Variants in PUS7 observed in about 807,000 individuals in gnomAD.
PUS7 encodes the protein pseudouridine synthase 7, also known as pseudouridylate synthase 7 homolog.
In PUS7, 48 loss-of-function variants were observed where a neutral mutation model predicts 79.8. That is an observed-to-expected ratio of 0.60 (90% CI 0.48 to 0.76). PUS7 has a LOEUF of 0.76. PUS7 is among the 30% of genes least tolerant of loss of function. The pLI is 0.00. For synonymous variants in PUS7, 286 were observed against 272.2 expected (o/e 1.05, Z -0.50); for missense variants, 729 against 797.6 (o/e 0.91, Z 1.04).
At chr7:105,490,254 T>TA (rs1322312085) in intron 7 of PUS7, among the ~76,000 whole-genome samples, 3 of 152,150 alleles carry the variant, frequency 2.0e-5, no homozygotes, top group African/African-American at 7.2e-5. Flanking sequence ...TTGACATGTG[T>TA]ATAAGCCCAT....
At chr7:105,480,302 G>A (rs973619193) in intron 9 of PUS7, among the ~76,000 whole-genome samples, 3 of 150,752 alleles carry the variant, frequency 2.0e-5, no homozygotes, top group Non-Finnish European at 4.4e-5. Context: ...TGAAATTCCC[G>A]CCACTACTAA....
intron 7 of PUS7, among the ~76,000 whole-genome samples, chr7:105,483,028 A>G (rs1043081418): frequency 6.6e-6 from 1 of 152,130 alleles, no homozygotes; most frequent in Non-Finnish European, 1.5e-5. Context: ...AATCTGTATC[A>G]TGCTGCTATC....
intron 12 of PUS7, among the ~76,000 whole-genome samples, chr7:105,466,126 C>G (rs73415561): frequency 0.081 from 12,277 of 150,766 alleles, 634 homozygotes; most frequent in South Asian, 0.16. Context: ...CTACTGTGCT[C>G]CATCCTGGGT....
At chr7:105,474,673 T>C (rs572987669) in intron 9 of PUS7, among the ~76,000 whole-genome samples, 1 of 151,232 alleles carries the variant, frequency 6.6e-6, no homozygotes, top group Admixed American at 6.6e-5. Flanking sequence ...CCCAGCTACT[T>C]GGGAGGCTGA....
chr7:105,477,381 G>C (rs1323993872), intron 9 of PUS7, among the ~76,000 whole-genome samples: 1 of 151,618 alleles, frequency 6.6e-6, no homozygotes, highest in East Asian at 1.9e-4. Flanking sequence ...CCGAGTAGCT[G>C]GGATTACAGG....
intron 11 of PUS7, among the ~76,000 whole-genome samples, chr7:105,468,707 AG>A (rs1309198395): frequency 5.4e-5 from 8 of 147,522 alleles, no homozygotes; most frequent in African/African-American, 1.8e-4. Context: ...TAGTAGAGAC[AG>A]GGTTTCACCA....
chr7:105,493,191 T>C (rs1824867696), intron 6 of PUS7, among the ~76,000 whole-genome samples: 1 of 152,256 alleles, frequency 6.6e-6, no homozygotes, highest in Non-Finnish European at 1.5e-5. Flanking sequence ...TGCTATTGCT[T>C]TGTATTAAAA....
At chr7:105,470,609 T>C in intron 11 of PUS7, 79 bp downstream of exon 11, 1 of 1,423,698 alleles carries the variant, frequency 7.0e-7, no homozygotes, top group Non-Finnish European at 9.4e-7. Context: ...TTTCAAAGTT[T>C]AGTAAAATCT....
At chr7:105,495,403 G>GT in intron 5 of PUS7, 150 bp from the exon 6 acceptor site, 1 of 528,238 alleles carries the variant, frequency 1.9e-6, no homozygotes, top group Admixed American at 3.4e-5. Context: ...GTGGACTAGA[G>GT]GTATTACATT....
At chr7:105,461,209 G>C (rs981192748) in intron 14 of PUS7, among the ~76,000 whole-genome samples, 1 of 152,174 alleles carries the variant, frequency 6.6e-6, no homozygotes, top group Non-Finnish European at 1.5e-5. Flanking sequence ...GCGGTGTTTG[G>C]AACTCACAGC....
chr7:105,491,751 T>C, intron 6 of PUS7, 134 bp from the exon 7 acceptor site: 3 of 615,394 alleles, frequency 4.9e-6, no homozygotes, highest in Non-Finnish European at 8.3e-6. Context: ...GAGGAGAAAC[T>C]TTATTTTAAC....
intron 14 of PUS7, among the ~76,000 whole-genome samples, chr7:105,459,667 A>T (rs913919688): frequency 6.6e-6 from 1 of 151,778 alleles, no homozygotes; most frequent in East Asian, 1.9e-4. Flanking sequence ...CAAACTCCTG[A>T]CCTCAGGTGA....
At chr7:105,519,712 T>C (rs941056942) in intron 1 of PUS7, among the ~76,000 whole-genome samples, 1 of 152,198 alleles carries the variant, frequency 6.6e-6, no homozygotes, top group Non-Finnish European at 1.5e-5. Context: ...TTTGAGAATA[T>C]ATCTGAGAAC....
intron 10 of PUS7, 51 bp from the exon 11 acceptor site, chr7:105,470,899 C>A: frequency 6.7e-7 from 1 of 1,487,488 alleles, no homozygotes; most frequent in Non-Finnish European, 9.0e-7. Flanking sequence ...AGACAGACTT[C>A]CATAACTTAA....
intron 4 of PUS7, among the ~76,000 whole-genome samples, chr7:105,505,341 G>C (rs1049013167): frequency 2.0e-5 from 3 of 152,150 alleles, no homozygotes; most frequent in Non-Finnish European, 4.4e-5. Flanking sequence ...ATTCTACTTA[G>C]TAGCTGAGCT....
chr7:105,495,985 C>T (rs1378818887), intron 5 of PUS7, among the ~76,000 whole-genome samples: 1 of 151,652 alleles, frequency 6.6e-6, no homozygotes, highest in Non-Finnish European at 1.5e-5. Flanking sequence ...CATGGTGAAA[C>T]CCCGTCTCTA....
chr7:105,518,048 T>C (rs1175281371), intron 1 of PUS7, among the ~76,000 whole-genome samples: 1 of 151,892 alleles, frequency 6.6e-6, no homozygotes, highest in Non-Finnish European at 1.5e-5. Context: ...CTCAGGAGGC[T>C]GAGACAGGAG....
chr7:105,465,405 G>A lies in PUS7; in HGVS notation c.1535C>T (p.Thr512Ile). ...ATTAACATCATCTTCCTCAATATAGGTGGCTGTGGCTGTAAATTCACAAGT... is the reference window on the plus strand; with the variant it reads ...ATTAACATCATCTTCCTCAATATAGATGGCTGTGGCTGTAAATTCACAAGT... ...GDLVLKGATA[T>I]YIEEDDVNNY... is the part of the protein sequence containing the mutation. Residue 512 changes from threonine (T) to isoleucine (I), a missense_variant, in exon 13 of 16, where the codon ACC becomes ATC. Physicochemically the swap from Thr to Ile is moderately conservative, Grantham distance 89 (BLOSUM62 -1). Coordinates refer to ENST00000469408, the MANE Select transcript of PUS7 (RefSeq NM_019042.5). The A allele has an allele frequency of 1.2e-6, 2 of 1,605,824 alleles. No homozygotes were observed. The highest frequency in any genetic ancestry group is 1.7e-6 in the Non-Finnish European group (2 of 1,173,744).
chr7:105,503,491 C>T (rs1172651247), intron 4 of PUS7, among the ~76,000 whole-genome samples: 1 of 152,112 alleles, frequency 6.6e-6, no homozygotes. Flanking sequence ...GAGTGCATCT[C>T]ATACTGAGAA....
Sources: gnomAD v4.1 joint callset for allele counts (sites outside exome capture counted in the v4.1 genomes callset) on GRCh38, gnomAD v4.1.1 for gene constraint, MANE v1.5 for transcripts, NCBI Gene and HGNC (gene_info 2026-07-23, HGNC 2026-07-21) for gene names.